The following ATXN7 variants were observed in gnomAD, a reference collection of about 807,000 sequenced individuals.
ATXN7 encodes ataxin-7.
ATXN7 carries 12 observed loss-of-function variants against 70.5 expected under a neutral mutation model. That is an observed-to-expected ratio of 0.17 (90% CI 0.11 to 0.28). ATXN7 has a LOEUF of 0.28. Ranked by LOEUF, ATXN7 falls within the 10% of genes least tolerant of loss-of-function variation. The pLI is 1.00. For missense variants in ATXN7, 1,256 were observed against 1,131.7 expected, an observed-to-expected ratio of 1.11 and a Z score of -1.58; for synonymous variants, 498 against 448.7, an observed-to-expected ratio of 1.11 and a Z score of -1.39.
rs372272947 is a variant in ATXN7, at chr3:63,959,986, TAAG to T, written c.499+7504_499+7506del. On this transcript the variant is annotated intron_variant, in intron 5 of 12. Coordinates refer to ENST00000674280, the MANE Select transcript of ATXN7 (RefSeq NM_001377405.1). ...TCTGACTTAATACAATACATTGTAT[TAAG>T]GAGGAGAGAGAAAAATGAAATTGTG... Among the ~76,000 whole-genome samples the T allele has an allele frequency of 3.0e-3, 458 of 152,248 alleles. 3 individuals are homozygous for T. Among genetic ancestry groups the T allele is most frequent in the African/African-American group, 0.011 (441 of 41,540 alleles).
intron 5 of ATXN7, among the ~76,000 whole-genome samples, chr3:63,962,500 G>T (rs554742396): frequency 6.6e-6 from 1 of 152,118 alleles, no homozygotes; most frequent in African/African-American, 2.4e-5. Flanking sequence ...CATCTCCCAG[G>T]TTCAAGTGAT....
At chr3:63,951,355 G>A (rs1030548984) in intron 4 of ATXN7, among the ~76,000 whole-genome samples, 3 of 152,114 alleles carry the variant, frequency 2.0e-5, no homozygotes, top group Non-Finnish European at 4.4e-5. Context: ...GCTGGAGAAA[G>A]TGTGAAATTA....
At chr3:63,931,874 T>G in intron 4 of ATXN7, among the ~76,000 whole-genome samples, 1 of 152,172 alleles carries the variant, frequency 6.6e-6, no homozygotes, top group Non-Finnish European at 1.5e-5. Context: ...GCCTGAAGTT[T>G]GGAAGTAGAC....
Position 63,912,760 on chromosome 3 carries a change from G to T in ATXN7, c.162G>T (p.Pro54=). The T allele has an allele frequency of 7.5e-7, 1 of 1,335,414 alleles. No homozygotes were observed. Among genetic ancestry groups the T allele is most frequent in the East Asian group, 3.1e-5 (1 of 32,170 alleles). 82.7% of individuals were successfully genotyped at this position (1,335,414 alleles called of 1,614,324 possible). A position where few individuals can be genotyped will look rare whatever the true frequency, so the allele number is the denominator to read the frequency against. Residue 54 remains proline (P), a synonymous_variant, in exon 3 of 13, where the codon CCG becomes CCT. Transcript: ENST00000674280. Reference sequence around the variant, plus strand: ...AGCGGCAGCAGCACCCGCCACCGCCGCCACGGCGCACACGGCCGGAGGACG... The same window carrying T: ...AGCGGCAGCAGCACCCGCCACCGCCTCCACGGCGCACACGGCCGGAGGACG... ...QPQRQQHPPP[P]PRRTRPEDGG...
chr3:63,868,844 C>T (rs140877079), intron 1 of ATXN7, among the ~76,000 whole-genome samples: 2 of 152,290 alleles, frequency 1.3e-5, no homozygotes, highest in African/African-American at 4.8e-5. Flanking sequence ...TTGAGACCTT[C>T]ACAGGTAACC....
At chr3:63,896,281 A>G (rs1703446269) in intron 1 of ATXN7, among the ~76,000 whole-genome samples, 1 of 126,256 alleles carries the variant, frequency 7.9e-6, no homozygotes, top group Non-Finnish European at 1.9e-5. Flanking sequence ...CATCATTTAA[A>G]TACATCTTTT....
At chr3:63,903,113 G>C (rs895729703) in intron 2 of ATXN7, among the ~76,000 whole-genome samples, 10 of 151,862 alleles carry the variant, frequency 6.6e-5, no homozygotes, top group Non-Finnish European at 1.0e-4. Context: ...GGCACATGTG[G>C]GCCGGGCACG....
At chr3:63,895,728 T>C (rs1359393152) in intron 1 of ATXN7, among the ~76,000 whole-genome samples, 2 of 151,990 alleles carry the variant, frequency 1.3e-5, no homozygotes, top group Non-Finnish European at 2.9e-5. Context: ...TTTCTTCCTT[T>C]CTCCTTTTCT....
intron 2 of ATXN7, chr3:63,911,694 G>A (rs1704017396): frequency 6.6e-6 from 1 of 152,274 alleles, no homozygotes; most frequent in African/African-American, 2.4e-5. Context: ...AGTTCCCCAG[G>A]CGCACAGTGT....
intron 5 of ATXN7, among the ~76,000 whole-genome samples, chr3:63,955,522 A>G (rs932558536): frequency 1.3e-5 from 2 of 152,242 alleles, no homozygotes; most frequent in East Asian, 1.9e-4. Context: ...AGGACCAACA[A>G]CCTTTCCCAG....
At chr3:63,963,155 A>G (rs886627817) in intron 5 of ATXN7, among the ~76,000 whole-genome samples, 4 of 151,994 alleles carry the variant, frequency 2.6e-5, no homozygotes, top group Non-Finnish European at 5.9e-5. Context: ...GGCTGAAGCA[A>G]TCCACCTGCC....
rs2075649792 is a variant in ATXN7 at position 63,990,345 on chromosome 3, T to C, written c.1531T>C (p.Tyr511His). The C allele has an allele frequency of 3.1e-6, 5 of 1,613,942 alleles. No individual in the cohort carries two copies. The highest frequency in any genetic ancestry group is 1.6e-4 in the Middle Eastern group (1 of 6,080). Residue 511 changes from tyrosine to histidine, a missense_variant, in exon 10 of 13, where the codon TAT becomes CAT. Tyr to His is a moderately conservative substitution (Grantham distance 83). Coordinates refer to ENST00000674280, the MANE Select transcript of ATXN7 (RefSeq NM_001377405.1). ...EESVEKLDCH[Y>H]SGHHPQPASF... ...GTCTGTTGAAAAACTGGACTGTCAT[T>C]ATTCAGGTCATCATCCTCAGCCAGC... is the stretch of plus-strand genomic sequence containing the variant.
At chr3:63,971,105 T>C (rs181728807) in intron 5 of ATXN7, among the ~76,000 whole-genome samples, 2 of 152,324 alleles carry the variant, frequency 1.3e-5, no homozygotes, top group East Asian at 3.9e-4. Context: ...GGGCAGCCAG[T>C]GTTGAAATCA....
At chr3:63,892,152 A>C (rs1703288331) in intron 1 of ATXN7, among the ~76,000 whole-genome samples, 1 of 152,310 alleles carries the variant, frequency 6.6e-6, no homozygotes. Context: ...ATGGCCTCAG[A>C]GTAAAACGCG....
At chr3:63,963,035 C>T (rs114383597) in intron 5 of ATXN7, among the ~76,000 whole-genome samples, 7,917 of 151,810 alleles carry the variant, frequency 0.052, 528 homozygotes, top group African/African-American at 0.15. Flanking sequence ...TCCACCTCAG[C>T]CCTTCCAGTA....
At chr3:63,877,001 C>T (rs1418855712) in intron 1 of ATXN7, among the ~76,000 whole-genome samples, 1 of 151,974 alleles carries the variant, frequency 6.6e-6, no homozygotes, top group Admixed American at 6.6e-5. Context: ...GTGATGTATA[C>T]CAGAAAAAAT....
chr3:63,964,278 A>T (rs1488025000), intron 5 of ATXN7, among the ~76,000 whole-genome samples: 1 of 152,158 alleles, frequency 6.6e-6, no homozygotes, highest in African/African-American at 2.4e-5. Flanking sequence ...TTCATTCTGT[A>T]TGGAATTTAA....
At position 63,979,897 on chromosome 3, in the gene ATXN7, C is replaced by A; in HGVS notation, c.500-18C>A. On this transcript the variant is annotated intron_variant, in intron 5 of 12. Coordinates refer to ENST00000674280, the MANE Select transcript of ATXN7 (RefSeq NM_001377405.1). ...CGCCTAAAACATGATGTCTTTTTTT[C>A]TTTGCTTTCGTTTTCAGAAAGAAGA... is the stretch of plus-strand genomic sequence containing the variant. The A allele has an allele frequency of 6.2e-7, 1 of 1,602,460 alleles. No homozygotes were observed. The highest frequency in any genetic ancestry group is 8.5e-7 in the Non-Finnish European group (1 of 1,175,928).
At position 63,998,358 on chromosome 3, in the gene ATXN7, GTATA is replaced by G. The variant is rs923539789; in HGVS notation, c.2662-1084_2662-1081del. 8.1e-6 allele frequency: 8 copies of G among 983,998 alleles called. No individual in the cohort carries two copies. In the South Asian group the frequency reaches 1.4e-4, roughly 17 times the overall value. 61.0% of individuals were successfully genotyped at this position (983,998 alleles called of 1,614,324 possible). A position where few individuals can be genotyped will look rare whatever the true frequency, so the allele number is the denominator to read the frequency against. Reference sequence around the variant, plus strand: ...ATTTAGTTGAGATATATGTGTGTGTGTATATATATATGTATACACACACGTATAC... The same window carrying G: ...ATTTAGTTGAGATATATGTGTGTGTGTATATATGTATACACACACGTATAC... On this transcript the variant is annotated intron_variant, in intron 12 of 12. Coordinates refer to ENST00000674280, the MANE Select transcript of ATXN7 (RefSeq NM_001377405.1).
Sources: allele counts gnomAD v4.1 joint callset (sites outside exome capture counted in the v4.1 genomes callset), GRCh38; gene constraint gnomAD v4.1.1; transcripts MANE v1.5; gene names NCBI Gene and HGNC (gene_info 2026-07-23, HGNC 2026-07-21).